The following SYT16 variants were observed in gnomAD, a reference collection of about 807,000 sequenced individuals.
The protein encoded by SYT16 is synaptotagmin 16.
Under a neutral mutation model 61.4 loss-of-function variants are expected in SYT16, and 42 were observed. The ratio of observed to expected loss-of-function variants is 0.68; its 90% CI spans 0.53 to 0.89. SYT16 has a LOEUF of 0.89. Among genes scored for constraint, SYT16 ranks in the 40% least tolerant of loss-of-function variants. The probability of loss-of-function intolerance (pLI) is 0.00; values close to 1 mark genes in which losing one functional copy is unlikely to be tolerated. For missense variants in SYT16, 804 were observed against 807.3 expected (o/e 1.00, Z 0.05); for synonymous variants, 314 against 302.3 (o/e 1.04, Z -0.40).
intron 4 of SYT16, among the ~76,000 whole-genome samples, chr14:62,073,907 C>T (rs1284679075): frequency 6.6e-6 from 1 of 152,152 alleles, no homozygotes; most frequent in African/African-American, 2.4e-5. Context: ...TTAGTACCAT[C>T]CAGAAGCTTA....
intron 7 of SYT16, among the ~76,000 whole-genome samples, chr14:62,087,232 G>C (rs953774344): frequency 2.0e-5 from 3 of 152,224 alleles, no homozygotes; most frequent in Admixed American, 6.5e-5. Flanking sequence ...AGGAAGAGGG[G>C]GAGAAGAAGA....
chr14:61,909,637 T>C (rs1279370008), intron 1 of SYT16, among the ~76,000 whole-genome samples: 1 of 152,214 alleles, frequency 6.6e-6, no homozygotes, highest in Admixed American at 6.5e-5. Flanking sequence ...AGACCCCTTT[T>C]TCCCAAGTAA....
At chr14:62,078,659 G>A (rs1219973984) in intron 5 of SYT16, among the ~76,000 whole-genome samples, 2 of 152,142 alleles carry the variant, frequency 1.3e-5, no homozygotes, top group Non-Finnish European at 2.9e-5. Context: ...ACTCAGTATG[G>A]CTAATTGCCT....
At chr14:61,956,519 G>T (rs2050880778) in intron 1 of SYT16, among the ~76,000 whole-genome samples, 1 of 151,918 alleles carries the variant, frequency 6.6e-6, no homozygotes, top group African/African-American at 2.4e-5. Flanking sequence ...TGTTTTGCAT[G>T]TGGATATCCA....
intron 1 of SYT16, among the ~76,000 whole-genome samples, chr14:61,866,028 A>G (rs1213545996): frequency 3.3e-5 from 5 of 152,194 alleles, no homozygotes; most frequent in South Asian, 2.1e-4. Flanking sequence ...ACAGAAATAC[A>G]TGTTTAAAAT....
chr14:62,014,992 C>T (rs1361078670), intron 3 of SYT16, among the ~76,000 whole-genome samples: 1 of 152,180 alleles, frequency 6.6e-6, no homozygotes, highest in African/African-American at 2.4e-5. Flanking sequence ...GAAAACTGTT[C>T]ATCTTTCAAG....
At chr14:62,011,821 A>G (rs1485538162) in intron 3 of SYT16, among the ~76,000 whole-genome samples, 6 of 149,500 alleles carry the variant, frequency 4.0e-5, no homozygotes, top group African/African-American at 1.2e-4. Flanking sequence ...CCAAACACCT[A>G]TTTCTCAGTG....
intron 1 of SYT16, among the ~76,000 whole-genome samples, chr14:61,898,739 G>A (rs1350280493): frequency 6.6e-6 from 1 of 152,144 alleles, no homozygotes; most frequent in African/African-American, 2.4e-5. Flanking sequence ...GATATGACAG[G>A]GACGGTCTCT....
chr14:61,975,337 A>G (rs887049370), intron 2 of SYT16, among the ~76,000 whole-genome samples: 1 of 152,072 alleles, frequency 6.6e-6, no homozygotes, highest in Non-Finnish European at 1.5e-5. Flanking sequence ...CAGACTAAAC[A>G]TTGCCTGACC....
At position 62,081,168 on chromosome 14, in the gene SYT16, T is replaced by C. The variant is rs1312470061; in HGVS notation, c.1328T>C (p.Met443Thr). ...VRFRLYAARKMTRERMMGEKL... is the reference protein window; with the variant it reads ...VRFRLYAARKTTRERMMGEKL... ...TTCCGCCTGTACGCTGCCCGGAAGA[T>C]GACCCGAGAGAGAATGATGGGAGAG... Residue 443 changes from methionine to threonine, a missense_variant, in exon 6 of 8, where the codon ATG (methionine) becomes ACG (threonine). Physicochemically the swap from Met to Thr is moderately conservative, Grantham distance 81. Coordinates refer to ENST00000683842, the MANE Select transcript of SYT16 (RefSeq NM_001367656.1). The C allele has an allele frequency of 1.2e-6, 2 of 1,613,974 alleles. No individual in the cohort carries two copies. Among genetic ancestry groups the C allele is most frequent in the Non-Finnish European group, 1.7e-6 (2 of 1,179,878 alleles).
At position 62,060,187 on chromosome 14, in the gene SYT16, G is replaced by A. The variant is rs2055764501; in HGVS notation, c.524-9416G>A. 7.2e-5 allele frequency among the ~76,000 whole-genome samples: 11 copies of A among 151,994 alleles called. No homozygotes were observed. The South Asian group carries it at 2.1e-3, about 29-fold the overall frequency. On this transcript the variant is annotated intron_variant, in intron 3 of 7. Coordinates refer to ENST00000683842, the MANE Select transcript of SYT16 (RefSeq NM_001367656.1). ...TGGATTGCTTTAAATCATTACACTG[G>A]TTGAGGGAAATTAGCATCTTAACAA...
At chr14:62,039,872 CACACACGCACAT>C (rs1223446338) in intron 3 of SYT16, among the ~76,000 whole-genome samples, 18 of 109,156 alleles carry the variant, frequency 1.6e-4, no homozygotes, top group African/African-American at 5.6e-4. Flanking sequence ...CACACACACA[CACACACGCACAT>C]ACACACTAGA....
intron 1 of SYT16, among the ~76,000 whole-genome samples, chr14:61,892,691 G>A (rs2048179865): frequency 6.6e-6 from 1 of 152,156 alleles, no homozygotes; most frequent in South Asian, 2.1e-4. Flanking sequence ...ACCGATGGGG[G>A]GTGGTGACAT....
At chr14:61,947,216 A>C (rs2050474444) in intron 1 of SYT16, among the ~76,000 whole-genome samples, 1 of 150,012 alleles carries the variant, frequency 6.7e-6, no homozygotes, top group South Asian at 2.1e-4. Context: ...GCTCTGCTAC[A>C]ATATTGCTGG....
chr14:62,027,618 A>C (rs568059449), intron 3 of SYT16, among the ~76,000 whole-genome samples: 3 of 152,172 alleles, frequency 2.0e-5, no homozygotes, highest in Non-Finnish European at 4.4e-5. Context: ...TACATGCACC[A>C]CAGTAATACT....
chr14:62,048,870 T>C (rs1178037716), intron 3 of SYT16, among the ~76,000 whole-genome samples: 1 of 152,226 alleles, frequency 6.6e-6, no homozygotes, highest in Non-Finnish European at 1.5e-5. Flanking sequence ...GTTCTTTACA[T>C]TTGCTGAGGA....
chr14:61,971,324 C>A (rs1448320660), intron 2 of SYT16, among the ~76,000 whole-genome samples: 1 of 152,114 alleles, frequency 6.6e-6, no homozygotes, highest in South Asian at 2.1e-4. Context: ...TTGGGTGATT[C>A]TAGATCAGGG....
chr14:62,022,333 T>G (rs975819040), intron 3 of SYT16, among the ~76,000 whole-genome samples: 8 of 152,216 alleles, frequency 5.3e-5, no homozygotes, highest in Non-Finnish European at 1.2e-4. Context: ...TTCAGCACTT[T>G]AAATATATCA....
chr14:61,843,608 C>G (rs928413476), intron 1 of SYT16, among the ~76,000 whole-genome samples: 10 of 152,146 alleles, frequency 6.6e-5, no homozygotes, highest in African/African-American at 2.4e-4. Flanking sequence ...GATCTAGTTT[C>G]ATTCTTCTGC....
Sources: gnomAD v4.1 joint callset for allele counts (sites outside exome capture counted in the v4.1 genomes callset) on GRCh38, gnomAD v4.1.1 for gene constraint, MANE v1.5 for transcripts, NCBI Gene and HGNC (gene_info 2026-07-23, HGNC 2026-07-21) for gene names.